Variants in RAPGEF5 observed in about 807,000 individuals in gnomAD.
RAPGEF5 encodes M-Ras-regulated GEF.
Under a neutral mutation model 125.2 loss-of-function variants are expected in RAPGEF5, and 65 were observed. The ratio of observed to expected loss-of-function variants is 0.52; its 90% CI spans 0.43 to 0.64. The LOEUF is 0.64. Among genes scored for constraint, RAPGEF5 ranks in the 30% least tolerant of loss-of-function variants. The probability of loss-of-function intolerance (pLI) is 0.00; values close to 1 mark genes in which losing one functional copy is unlikely to be tolerated. For missense variants in RAPGEF5, 958 were observed against 1,048.1 expected (o/e 0.91, Z 1.19); for synonymous variants, 391 against 385.9 (o/e 1.01, Z -0.16).
intron 1 of RAPGEF5, among the ~76,000 whole-genome samples, chr7:22,339,846 A>C (rs953146861): frequency 6.6e-6 from 1 of 152,220 alleles, no homozygotes; most frequent in Non-Finnish European, 1.5e-5. Flanking sequence ...GGCAGAGGTC[A>C]CTATTTAAAG....
At position 22,149,921 on chromosome 7, in the gene RAPGEF5, T is replaced by G. The variant is rs1783564599; in HGVS notation, c.1884+486A>C. ...GGGTTTAGAATTCCTCAAGTTGGAT[T>G]GAACTGAATTGCTCAACCCCTTTTT... is the stretch of plus-strand genomic sequence containing the variant. On this transcript the variant is annotated intron_variant, in intron 18 of 25. Transcript: ENST00000665637. Among the ~76,000 whole-genome samples the G allele has an allele frequency of 7.1e-5, 8 of 112,272 alleles. No individual in the cohort carries two copies. In the South Asian group the frequency reaches 2.8e-3, roughly 40 times the overall value. The allele number at this position is 112,272 out of a possible 152,430, so 73.7% of individuals were successfully genotyped here. A position where few individuals can be genotyped will look rare whatever the true frequency, so the allele number is the denominator to read the frequency against.
intron 8 of RAPGEF5, among the ~76,000 whole-genome samples, chr7:22,227,392 T>C (rs1028415345): frequency 1.3e-5 from 2 of 152,176 alleles, no homozygotes; most frequent in Admixed American, 6.5e-5. Flanking sequence ...TTACCAAATA[T>C]TTAGCAGTTA....
At chr7:22,345,504 C>T (rs1466147932) in intron 1 of RAPGEF5, among the ~76,000 whole-genome samples, 1 of 152,030 alleles carries the variant, frequency 6.6e-6, no homozygotes, top group East Asian at 1.9e-4. Context: ...AGCTCAGTAA[C>T]TTTTGAGTCT....
chr7:22,124,646 T>C (rs890153269), intron 25 of RAPGEF5, among the ~76,000 whole-genome samples: 3 of 152,228 alleles, frequency 2.0e-5, no homozygotes, highest in African/African-American at 7.2e-5. Flanking sequence ...CTACTTTATA[T>C]AGACTTCTAT....
chr7:22,157,483 A>T (rs1783846587), intron 15 of RAPGEF5, among the ~76,000 whole-genome samples: 1 of 152,194 alleles, frequency 6.6e-6, no homozygotes, highest in Non-Finnish European at 1.5e-5. Flanking sequence ...TAAAAGTGCA[A>T]ATATTTTCTT....
chr7:22,341,549 CT>C (rs1335296559), intron 1 of RAPGEF5, among the ~76,000 whole-genome samples: 2 of 152,228 alleles, frequency 1.3e-5, no homozygotes, highest in Non-Finnish European at 2.9e-5. Flanking sequence ...AGGCAAGTCC[CT>C]TCTGCCTATG....
chr7:22,205,850 G>T (rs773437006), intron 9 of RAPGEF5, among the ~76,000 whole-genome samples: 6 of 152,162 alleles, frequency 3.9e-5, no homozygotes, highest in Admixed American at 2.6e-4. Flanking sequence ...GACACTTCTA[G>T]CTGGATATGC....
At chr7:22,316,474 TATATATATATA>T (rs1562525604) in intron 2 of RAPGEF5, among the ~76,000 whole-genome samples, 81 of 57,278 alleles carry the variant, frequency 1.4e-3, no homozygotes, top group African/African-American at 5.6e-3. Context: ...TATATATATA[TATATATATATA>T]TATATTTTTT....
chr7:22,230,341 C>T (rs1443107338), intron 8 of RAPGEF5, among the ~76,000 whole-genome samples: 6 of 152,148 alleles, frequency 3.9e-5, no homozygotes, highest in Admixed American at 2.6e-4. Flanking sequence ...ACCTTAAAGG[C>T]GAAGTGAGAT....
intron 1 of RAPGEF5, among the ~76,000 whole-genome samples, chr7:22,339,109 A>G (rs56809048): frequency 0.22 from 33,648 of 152,088 alleles, 4,066 homozygotes; most frequent in South Asian, 0.28. Context: ...GACTGGTAAG[A>G]GAAGAACGCC....
chr7:22,355,804 T>C (rs1205429682), intron 1 of RAPGEF5, among the ~76,000 whole-genome samples: 1 of 152,164 alleles, frequency 6.6e-6, no homozygotes, highest in African/African-American at 2.4e-5. Context: ...CACTCTCAAG[T>C]TTACACAAAC....
Position 22,275,365 on chromosome 7 carries a change from C to A in RAPGEF5, c.748-8353G>T, listed in dbSNP as rs188234285. Among the ~76,000 whole-genome samples the A allele has an allele frequency of 5.9e-5, 9 of 152,304 alleles. No homozygotes were observed. In the East Asian group the frequency reaches 1.7e-3, roughly 29 times the overall value. On this transcript the variant is annotated intron_variant, in intron 6 of 25. Transcript: ENST00000665637. ...CTCCTGGCACCATTCCTGGTACATA[C>A]GTTTGTGATCAAGAACACAAGTAAA...
Position 22,156,895 on chromosome 7 carries a change from G to A in RAPGEF5, c.1558-7C>T. On this transcript the variant is annotated splice_region_variant and splice_polypyrimidine_tract_variant and intron_variant, in intron 15 of 25. Coordinates refer to ENST00000665637, the MANE Select transcript of RAPGEF5 (RefSeq NM_012294.5). ...GGTGGAAAAGGGCTTTATTCTGTGA[G>A]ATGGGAGAAAGAGAACAATGAATGA... The A allele has an allele frequency of 1.2e-6, 2 of 1,613,884 alleles. No homozygotes were observed. The highest frequency in any genetic ancestry group is 1.7e-6 in the Non-Finnish European group (2 of 1,179,806).
chr7:22,271,656 T>C (rs755274784), intron 6 of RAPGEF5, among the ~76,000 whole-genome samples: 1 of 152,194 alleles, frequency 6.6e-6, no homozygotes, highest in African/African-American at 2.4e-5. Flanking sequence ...AATGTCTAAA[T>C]AGAGGACGAT....
At position 22,145,135 on chromosome 7, in the gene RAPGEF5, C is replaced by T; in HGVS notation, c.2095G>A (p.Val699Ile). The T allele has an allele frequency of 1.2e-6, 2 of 1,613,822 alleles. No individual in the cohort carries two copies. Among genetic ancestry groups the T allele is most frequent in the Non-Finnish European group, 1.7e-6 (2 of 1,179,812 alleles). The change falls in exon 20 of 26, where the codon GTC becomes ATC. Residue 699 changes from valine to isoleucine, a missense_variant. By Grantham distance (29) the Val-to-Ile change is conservative (BLOSUM62 3). Coordinates refer to ENST00000665637, the MANE Select transcript of RAPGEF5 (RefSeq NM_012294.5). ...LSLLLQRCNE[V>I]QLWVATEILL... ...ATCTCCGTGGCCACCCAAAGCTGGA[C>T]CTCATTGCATCTCTGGAGCAGAAGG...
intron 11 of RAPGEF5, among the ~76,000 whole-genome samples, chr7:22,173,574 T>C (rs539955918): frequency 6.6e-6 from 1 of 152,358 alleles, no homozygotes; most frequent in Non-Finnish European, 1.5e-5. Context: ...GGGGACACTC[T>C]TCAAATAATC....
chr7:22,356,655 G>C (rs999084274), intron 1 of RAPGEF5, 175 bp downstream of exon 1: 40 of 240,140 alleles, frequency 1.7e-4, no homozygotes, highest in Middle Eastern at 1.4e-3. Flanking sequence ...CGTCGCTCAG[G>C]GGGTGGCACC....
intron 2 of RAPGEF5, among the ~76,000 whole-genome samples, chr7:22,316,489 ATTTTT>A (rs1174593478): frequency 3.9e-5 from 2 of 50,644 alleles, no homozygotes; most frequent in African/African-American, 1.6e-4. Flanking sequence ...ATATATATAT[ATTTTT>A]TTTTTTTTTT....
chr7:22,176,564 GC>G lies in RAPGEF5; in HGVS notation c.1205-9417del, dbSNP rs1784515426. Among the ~76,000 whole-genome samples the G allele has an allele frequency of 2.6e-5, 4 of 152,226 alleles. No individual in the cohort carries two copies. The South Asian group carries it at 8.3e-4, about 32-fold the overall frequency. ...TTTTGAGATAGAGTCTTGCTCTGTC[GC>G]CCAGGCTGGATGGAGTGCAGTGGTG... On this transcript the variant is annotated intron_variant, in intron 11 of 25. Transcript: ENST00000665637.
Sources: allele counts gnomAD v4.1 joint callset (sites outside exome capture counted in the v4.1 genomes callset), GRCh38; gene constraint gnomAD v4.1.1; transcripts MANE v1.5; gene names NCBI Gene and HGNC (gene_info 2026-07-23, HGNC 2026-07-21).